Variants in BLTP1 observed in about 807,000 individuals in gnomAD.
BLTP1 encodes the protein fragile site-associated protein.
the BLTP1 span, among the ~76,000 whole-genome samples, chr4:122,159,259 C>T: frequency 1.5e-3 from 233 of 151,984 alleles, no homozygotes; most frequent in African/African-American, 5.2e-3. Context: ...GTCAGGAGAT[C>T]GAGACCATCC....
At chr4:122,279,933 AC>A in the BLTP1 span, 1 of 1,614,118 alleles carries the variant, frequency 6.2e-7, no homozygotes, top group Non-Finnish European at 8.5e-7. Context: ...CGAAGTTCTC[AC>A]CAACTATCTA....
At chr4:122,175,886 A>C in the BLTP1 span, 88 of 1,563,026 alleles carry the variant, frequency 5.6e-5, no homozygotes, top group Admixed American at 2.4e-4. Flanking sequence ...GGTGGTGGAA[A>C]ATGTATAACC....
the BLTP1 span, chr4:122,353,760 C>A: frequency 6.5e-7 from 1 of 1,544,472 alleles, no homozygotes; most frequent in South Asian, 1.2e-5. This position sits in a 1 kb window ranked among gnomAD's most constrained non-coding sequence, Gnocchi z 4.3. Context: ...CAATTATCAT[C>A]TTGAATCTAA....
At chr4:122,200,083 C>G in the BLTP1 span, 1 of 950,510 alleles carries the variant, frequency 1.1e-6, no homozygotes, top group South Asian at 4.9e-5. Flanking sequence ...CCATAAGGTT[C>G]TTAATTTCTT....
the BLTP1 span, among the ~76,000 whole-genome samples, chr4:122,335,423 A>T: frequency 6.6e-6 from 1 of 152,142 alleles, no homozygotes; most frequent in Non-Finnish European, 1.5e-5. Flanking sequence ...ATGATACCGT[A>T]CATACATGGC....
chr4:122,293,227 T>C, the BLTP1 span: 2 of 964,324 alleles, frequency 2.1e-6, no homozygotes, highest in South Asian at 4.8e-5. Context: ...TAAAACTTGA[T>C]TGACACAAAA....
the BLTP1 span, chr4:122,325,629 T>G: frequency 3.6e-6 from 4 of 1,111,968 alleles, no homozygotes; most frequent in African/African-American, 6.6e-5. Context: ...TTAAACTACA[T>G]CTTACACAAA....
chr4:122,262,838 T>C, the BLTP1 span: 1 of 1,613,978 alleles, frequency 6.2e-7, no homozygotes, highest in Non-Finnish European at 8.5e-7. Flanking sequence ...ATGTTGGACG[T>C]GCTGGGATGC....
the BLTP1 span, chr4:122,356,759 G>A: frequency 6.2e-7 from 1 of 1,606,622 alleles, no homozygotes; most frequent in Non-Finnish European, 8.5e-7. Flanking sequence ...GAAAAAGGTG[G>A]GTGGAATACT....
chr4:122,219,273 G>C, the BLTP1 span: 1 of 1,562,336 alleles, frequency 6.4e-7, no homozygotes, highest in South Asian at 1.2e-5. Context: ...ACAAATTTAG[G>C]CTCATAGGTG....
At chr4:122,233,174 G>GA in the BLTP1 span, among the ~76,000 whole-genome samples, 1 of 152,198 alleles carries the variant, frequency 6.6e-6, no homozygotes, top group African/African-American at 2.4e-5. Context: ...CCATTCAGTT[G>GA]ATTCTAATAC....
At chr4:122,281,503 T>G in the BLTP1 span, 5 of 1,537,974 alleles carry the variant, frequency 3.3e-6, no homozygotes, top group South Asian at 1.3e-5. Flanking sequence ...CGTCCTGTGT[T>G]TATTTTTTAA....
the BLTP1 span, chr4:122,343,786 A>C: frequency 2.3e-6 from 1 of 426,738 alleles, no homozygotes; most frequent in Non-Finnish European, 3.1e-6. Context: ...TAAGTAATTC[A>C]GGTGAATTAA....
the BLTP1 span, among the ~76,000 whole-genome samples, chr4:122,318,633 G>C: frequency 0.25 from 37,870 of 152,068 alleles, 5,665 homozygotes; most frequent in Middle Eastern, 0.48. Context: ...AAAATTTTAA[G>C]ATGTCTGTTC....
chr4:122,257,830 T>C, the BLTP1 span, among the ~76,000 whole-genome samples: 33 of 152,216 alleles, frequency 2.2e-4, no homozygotes, highest in African/African-American at 7.7e-4. Context: ...GGAATCTTCA[T>C]ACTGACCTGA....
At chr4:122,270,049 TCTC>T in the BLTP1 span, among the ~76,000 whole-genome samples, 58 of 152,210 alleles carry the variant, frequency 3.8e-4, no homozygotes, top group Non-Finnish European at 6.0e-4. Flanking sequence ...TTTTTAGTCT[TCTC>T]CTGTCTGTTC....
the BLTP1 span, chr4:122,214,285 TA>T: frequency 2.1e-6 from 2 of 931,116 alleles, no homozygotes; most frequent in South Asian, 9.9e-5. Flanking sequence ...TACCATTATG[TA>T]AAGAAAATTT....
chr4:122,313,605 T>C, the BLTP1 span: 315 of 1,563,060 alleles, frequency 2.0e-4, 1 homozygote, highest in African/African-American at 4.1e-3. Context: ...TTGAAAACTA[T>C]TTTTGGGGTG....
the BLTP1 span, among the ~76,000 whole-genome samples, chr4:122,216,615 T>C: frequency 4.6e-5 from 7 of 152,148 alleles, no homozygotes; most frequent in Non-Finnish European, 7.4e-5. Context: ...GGATTATTTG[T>C]TTTTTCCTTG....
Sources: gnomAD v4.1 joint callset for allele counts (sites outside exome capture counted in the v4.1 genomes callset) on GRCh38, gnomAD v4.1.1 for gene constraint, Gnocchi (gnomAD v3.1) non-coding constraint, MANE v1.5 for transcripts, NCBI Gene and HGNC (gene_info 2026-07-23, HGNC 2026-07-21) for gene names.